Variants in INPP5F observed in about 807,000 individuals in gnomAD.
The protein encoded by INPP5F is inositol polyphosphate-5-phosphatase F.
In INPP5F, 97 loss-of-function variants were observed where a neutral mutation model predicts 137.2. The observed-to-expected ratio is 0.71, with a 90% CI of 0.60 to 0.84. The LOEUF is 0.84. INPP5F is among the 40% of genes least tolerant of loss of function. INPP5F has a pLI of 0.00. For missense variants in INPP5F, 1,271 were observed against 1,371.9 expected (o/e 0.93, Z 1.16); for synonymous variants, 504 against 476.9 (o/e 1.06, Z -0.74).
Position 119,805,373 on chromosome 10 carries a change from A to G in INPP5F, c.1242-11A>G. On this transcript the variant is annotated splice_polypyrimidine_tract_variant and intron_variant, in intron 10 of 19. Coordinates refer to ENST00000650623, the MANE Select transcript of INPP5F (RefSeq NM_014937.4). ...TTAAAGATTTTTTCTTTCTTTTGGC[A>G]TGGATTTTAGCCGAGGAATGAAGTT... 1.2e-6 allele frequency: 2 copies of G among 1,605,928 alleles called. No homozygotes were observed. Among genetic ancestry groups the G allele is most frequent in the East Asian group, 2.2e-5 (1 of 44,844 alleles).
At chr10:119,822,302 C>T (rs1851599371) in intron 16 of INPP5F, 129 bp from the exon 17 acceptor site, 2 of 488,704 alleles carry the variant, frequency 4.1e-6, no homozygotes, top group East Asian at 3.3e-5. Flanking sequence ...AACATTTTAC[C>T]CCAGAATGTA....
intron 15 of INPP5F, chr10:119,819,243 T>TTTTG (rs1554896158): frequency 4.8e-6 from 1 of 209,194 alleles, no homozygotes; most frequent in Non-Finnish European, 6.6e-6. Context: ...TTTTTTTTTT[T>TTTTG]AAAGGGGAAG....
At chr10:119,779,085 T>A (rs561265214) in intron 2 of INPP5F, among the ~76,000 whole-genome samples, 3 of 152,318 alleles carry the variant, frequency 2.0e-5, no homozygotes, top group Non-Finnish European at 4.4e-5. Flanking sequence ...TCTGGTTCTC[T>A]CCTCTTCTTG....
intron 14 of INPP5F, 73 bp downstream of exon 14, chr10:119,810,290 T>G (rs1282722142): frequency 2.6e-6 from 2 of 766,804 alleles, no homozygotes; most frequent in African/African-American, 3.5e-5. Flanking sequence ...GAAACCAGCT[T>G]CATTAACATA....
chr10:119,730,004 T>G (rs1453516218), intron 1 of INPP5F, among the ~76,000 whole-genome samples: 1 of 152,166 alleles, frequency 6.6e-6, no homozygotes, highest in East Asian at 1.9e-4. Context: ...TGTTTCTAAT[T>G]TTTTTAAGGG....
intron 2 of INPP5F, among the ~76,000 whole-genome samples, chr10:119,769,800 C>T (rs1188140802): frequency 2.6e-5 from 4 of 152,160 alleles, no homozygotes; most frequent in African/African-American, 9.7e-5. Flanking sequence ...ATTGACTCCC[C>T]TGGACTTGGA....
chr10:119,795,038 A>ACCTC (rs1223352475), intron 6 of INPP5F, among the ~76,000 whole-genome samples: 1 of 106,124 alleles, frequency 9.4e-6, no homozygotes, highest in African/African-American at 3.7e-5. Context: ...TGACCCCCCC[A>ACCTC]CCTCCCTCCC....
At chr10:119,736,765 G>C (rs1029239322) in intron 1 of INPP5F, among the ~76,000 whole-genome samples, 1 of 152,146 alleles carries the variant, frequency 6.6e-6, no homozygotes, top group African/African-American at 2.4e-5. Context: ...TTTCCTTCAT[G>C]ATGATCAAAA....
At chr10:119,736,254 T>C (rs1848212852) in intron 1 of INPP5F, among the ~76,000 whole-genome samples, 4 of 152,236 alleles carry the variant, frequency 2.6e-5, no homozygotes, top group Admixed American at 2.6e-4. Flanking sequence ...AGGTGGTTGT[T>C]ACTTTCAGGT....
At position 119,796,782 on chromosome 10, in the gene INPP5F, T is replaced by C. The variant is rs942095523; in HGVS notation, c.737T>C (p.Val246Ala). The change falls in exon 7 of 20, where the codon GTT (valine) becomes GCT (alanine). Residue 246 changes from valine to alanine, a missense_variant. This residue lies in a region of INPP5F where 593 missense variants were observed against 712.4 expected (regional missense o/e 0.83). Transcript: ENST00000650623. ...TTTGTGCAGATTGAAGAACTTGTGG[T>C]TAATTATACCGAATCATCTGATGAT... The part of the protein sequence containing the change: ...QGFVQIEELV[V>A]NYTESSDDEK... 1.2e-6 allele frequency: 2 copies of C among 1,613,590 alleles called. No individual in the cohort carries two copies. The highest frequency in any genetic ancestry group is 1.7e-6 in the Non-Finnish European group (2 of 1,179,846).
At chr10:119,821,853 C>T (rs1851577192) in intron 16 of INPP5F, among the ~76,000 whole-genome samples, 1 of 147,506 alleles carries the variant, frequency 6.8e-6, no homozygotes, top group Non-Finnish European at 1.5e-5. Context: ...AATATTTTAA[C>T]CTTGTAGTTG....
At chr10:119,729,200 C>T (rs757890102) in intron 1 of INPP5F, among the ~76,000 whole-genome samples, 21 of 152,208 alleles carry the variant, frequency 1.4e-4, no homozygotes, top group South Asian at 8.3e-4. Context: ...GGCTGGAGTG[C>T]GGTGGCGTGT....
rs1851805482 is a variant in INPP5F, at chr10:119,827,313, A to G, written c.2932A>G (p.Arg978Gly). ...QNKVTHLSET[R>G]SVSQQASQER... is the part of the protein sequence containing the mutation. Reference sequence around the variant, plus strand: ...CAAAGTGACCCACCTATCAGAGACCAGATCTGTGTCTCAGCAGGCTAGTCA... The same window carrying G: ...CAAAGTGACCCACCTATCAGAGACCGGATCTGTGTCTCAGCAGGCTAGTCA... The change falls in exon 20 of 20, where the codon AGA becomes GGA. Residue 978 changes from arginine (R) to glycine (G), a missense_variant. Coordinates refer to ENST00000650623, the MANE Select transcript of INPP5F (RefSeq NM_014937.4). 3.7e-6 allele frequency: 6 copies of G among 1,614,136 alleles called. No individual in the cohort carries two copies. Among genetic ancestry groups the G allele is most frequent in the Non-Finnish European group, 5.1e-6 (6 of 1,179,968 alleles).
chr10:119,797,636 C>A lies in INPP5F; in HGVS notation c.1044C>A (p.Asp348Glu). 1 of 1,598,250 alleles carries A rather than the reference C, an allele frequency of 6.3e-7. No individual in the cohort carries two copies. Among genetic ancestry groups the A allele is most frequent in the Non-Finnish European group, 8.5e-7 (1 of 1,173,048 alleles). Residue 348 changes from aspartate to glutamate, a missense_variant, in exon 8 of 20, where the codon GAC (aspartate) becomes GAA (glutamate). This residue lies in a region of INPP5F where 593 missense variants were observed against 712.4 expected (regional missense o/e 0.83). Transcript: ENST00000650623. ...GYRYNPRPRL[D>E]RSEKETVAYF... is the part of the protein sequence containing the mutation. ...GATATAACCCAAGACCGCGGCTGGA[C>A]AGAAGTAAGCAGGTCAATTATTGGG...
intron 2 of INPP5F, among the ~76,000 whole-genome samples, chr10:119,757,048 A>C (rs1215040817): frequency 6.7e-6 from 1 of 150,366 alleles, no homozygotes; most frequent in Non-Finnish European, 1.5e-5. Flanking sequence ...CTTTGGTTTG[A>C]CCAGTTGAGA....
intron 2 of INPP5F, among the ~76,000 whole-genome samples, chr10:119,761,933 T>A (rs1795362648): frequency 6.6e-6 from 1 of 152,226 alleles, no homozygotes; most frequent in Non-Finnish European, 1.5e-5. Context: ...ATAGTTCAGT[T>A]GTCCCTTGGT....
At position 119,792,175 on chromosome 10, in the gene INPP5F, T is replaced by C. The variant is rs1485839870; in HGVS notation, c.631T>C (p.Trp211Arg). The part of the protein sequence containing the change: ...LWQKVDDRFF[W>R]NKYMIQDLTE... ...TTTCTAGGTTGATGACCGATTTTTTTGGAATAAATACATGATACAAGATCT... is the reference window on the plus strand; with the variant it reads ...TTTCTAGGTTGATGACCGATTTTTTCGGAATAAATACATGATACAAGATCT... The change falls in exon 6 of 20, where the codon TGG (tryptophan) becomes CGG (arginine). Residue 211 changes from tryptophan to arginine, a missense_variant. Trp to Arg is a moderately radical substitution (Grantham distance 101, BLOSUM62 -3). Transcript: ENST00000650623. 3 of 1,613,976 alleles carry C rather than the reference T, an allele frequency of 1.9e-6. No homozygotes were observed. Among genetic ancestry groups the C allele is most frequent in the Non-Finnish European group, 2.5e-6 (3 of 1,179,924 alleles).
Position 119,726,164 on chromosome 10 carries a change from C to A in INPP5F, c.-99C>A. ...GCTGCTTCTCGGCGCGGTTCCTACC[C>A]GGCCGCTCCCCGAGGCGCGGGCTCT... On this transcript the variant is annotated 5_prime_UTR_variant, in exon 1 of 20. Transcript: ENST00000650623. 1.5e-6 allele frequency: 1 copy of A among 685,994 alleles called. No individual in the cohort carries two copies. Among genetic ancestry groups the A allele is most frequent in the Non-Finnish European group, 2.1e-6 (1 of 478,686 alleles). The allele number at this position is 685,994 out of a possible 1,614,324, so 42.5% of individuals were successfully genotyped here.
At chr10:119,786,300 G>A (rs959036039) in intron 3 of INPP5F, among the ~76,000 whole-genome samples, 4 of 152,188 alleles carry the variant, frequency 2.6e-5, no homozygotes, top group Non-Finnish European at 5.9e-5. Context: ...ATACCACACA[G>A]AACTGGCTGG....
Sources: allele counts gnomAD v4.1 joint callset (sites outside exome capture counted in the v4.1 genomes callset), GRCh38; gene constraint gnomAD v4.1.1; regional missense constraint gnomAD v4.1.1; transcripts MANE v1.5; gene names NCBI Gene and HGNC (gene_info 2026-07-23, HGNC 2026-07-21).